The following ARFGEF1 variants were observed in gnomAD, a reference collection of about 807,000 sequenced individuals.
ARFGEF1 encodes the protein brefeldin A-inhibited guanine nucleotide-exchange protein 1.
ARFGEF1 carries 42 observed loss-of-function variants against 231.0 expected under a neutral mutation model. The observed-to-expected ratio is 0.18, with a 90% CI of 0.14 to 0.24. The LOEUF is 0.24. ARFGEF1 is among the 10% of genes least tolerant of loss of function. The pLI is 1.00. For synonymous variants in ARFGEF1, 710 were observed against 732.3 expected (o/e 0.97, Z 0.49); for missense variants, 1,345 against 2,192.0 (o/e 0.61, Z 7.72).
At chr8:67,218,188 G>C in intron 30 of ARFGEF1, 50 bp from the exon 31 acceptor site, 4 of 353,900 alleles carry the variant, frequency 1.1e-5, no homozygotes, top group Non-Finnish European at 1.4e-5. Context: ...CAACTACTAT[G>C]ATTAAAAAAA....
intron 9 of ARFGEF1, 99 bp from the exon 10 acceptor site, chr8:67,272,035 T>G: frequency 1.4e-6 from 1 of 721,330 alleles, no homozygotes; most frequent in African/African-American, 1.8e-5. Flanking sequence ...TAATCATAAT[T>G]TCATAAACTT....
chr8:67,298,634 GA>G (rs1806344979), intron 4 of ARFGEF1, among the ~76,000 whole-genome samples: 1 of 152,186 alleles, frequency 6.6e-6, no homozygotes, highest in Non-Finnish European at 1.5e-5. Flanking sequence ...AAAAACTTTG[GA>G]AGACTCTAGG....
At chr8:67,271,655 C>G in intron 10 of ARFGEF1, 47 bp downstream of exon 10, 6 of 1,328,724 alleles carry the variant, frequency 4.5e-6, no homozygotes, top group African/African-American at 1.5e-5. Flanking sequence ...TAACATGAAA[C>G]AAATGAAATA....
Position 67,238,726 on chromosome 8 carries a change from T to C in ARFGEF1, c.3138+9A>G, listed in dbSNP as rs1454598182. ...CCAAATTGCAAAGTTGAAAATAAAG[T>C]GCTTATACCTCATGCCATGAATTTC... On this transcript the variant is annotated intron_variant, in intron 21 of 38. Transcript: ENST00000262215. 1 of 1,610,800 alleles carries C rather than the reference T, an allele frequency of 6.2e-7. No homozygotes were observed. The highest frequency in any genetic ancestry group is 1.1e-5 in the South Asian group (1 of 90,838).
chr8:67,186,808 G>C (rs1273701085), intron 5 of ARFGEF1, among the ~76,000 whole-genome samples: 2 of 152,170 alleles, frequency 1.3e-5, no homozygotes. Context: ...GAACTAGTAA[G>C]CAGTTATAAT....
At chr8:67,310,307 C>G (rs970830008) in intron 1 of ARFGEF1, among the ~76,000 whole-genome samples, 1 of 152,196 alleles carries the variant, frequency 6.6e-6, no homozygotes, top group Non-Finnish European at 1.5e-5. Flanking sequence ...CTGTGTTGGC[C>G]GGGCCGGTCT....
At chr8:67,306,800 CAG>C (rs942970219) in intron 1 of ARFGEF1, among the ~76,000 whole-genome samples, 10 of 152,102 alleles carry the variant, frequency 6.6e-5, no homozygotes, top group Non-Finnish European at 1.5e-5. Flanking sequence ...TTTTTTCAGA[CAG>C]AGTCTCACTC....
At position 67,343,393 on chromosome 8, in the gene ARFGEF1, G is replaced by T; in HGVS notation, c.-106C>A. ...GAAGAGAGAAAGGAGAGGGGGTGGA[G>T]GTGGGGGATTGGAGGCGTGGAGGGC... On this transcript the variant is annotated 5_prime_UTR_variant, in exon 1 of 39. Coordinates refer to ENST00000262215, the MANE Select transcript of ARFGEF1 (RefSeq NM_006421.5). 2.0e-6 allele frequency: 3 copies of T among 1,491,778 alleles called. No homozygotes were observed. Among genetic ancestry groups the T allele is most frequent in the Non-Finnish European group, 1.8e-6 (2 of 1,116,560 alleles). 92.4% of individuals were successfully genotyped at this position (1,491,778 alleles called of 1,614,324 possible).
chr8:67,245,940 G>T (rs1031157007), intron 19 of ARFGEF1, among the ~76,000 whole-genome samples: 1 of 150,416 alleles, frequency 6.6e-6, no homozygotes, highest in African/African-American at 2.5e-5. Flanking sequence ...AAAAGAGCAG[G>T]AGTAGCTATA....
rs781655651 is a variant in ARFGEF1, at chr8:67,217,973, C to G, written c.4474+30G>C. 16 of 1,611,988 alleles carry G rather than the reference C, an allele frequency of 9.9e-6. No individual in the cohort carries two copies. The East Asian group carries it at 3.3e-4, about 34-fold the overall frequency. ...TATATTACCAGGGTCACATTTAACA[C>G]TTTGTGTCACATATCTGGTACAGAC... On this transcript the variant is annotated intron_variant, in intron 31 of 38. Coordinates refer to ENST00000262215, the MANE Select transcript of ARFGEF1 (RefSeq NM_006421.5).
At chr8:67,246,607 T>C (rs1213800216) in intron 19 of ARFGEF1, among the ~76,000 whole-genome samples, 4 of 149,744 alleles carry the variant, frequency 2.7e-5, no homozygotes, top group African/African-American at 1.0e-4. Context: ...ATAGTGAAAG[T>C]AGTCCTAAGA....
chr8:67,175,581 C>T, intron 5 of ARFGEF1: 1 of 908,090 alleles, frequency 1.1e-6, no homozygotes, highest in Non-Finnish European at 1.8e-6. Flanking sequence ...GTCTGTAGTA[C>T]CAGAAAAGAA....
At position 67,203,297 on chromosome 8, in the gene ARFGEF1, TTTTACTTGA is replaced by T. The variant is rs1378916721; in HGVS notation, c.4960-55_4960-47del. On this transcript the variant is annotated intron_variant, in intron 35 of 38. Coordinates refer to ENST00000262215, the MANE Select transcript of ARFGEF1 (RefSeq NM_006421.5). Reference sequence around the variant, plus strand: ...CAGCATATACACACAGTCACAATAATTTTACTTGATTTACAACTCAATGCTCCCCAAAGA... The same window carrying T: ...CAGCATATACACACAGTCACAATAATTTTACAACTCAATGCTCCCCAAAGA... 2.5e-6 allele frequency: 4 copies of T among 1,585,168 alleles called. No individual in the cohort carries two copies. In the Admixed American group the frequency reaches 7.2e-5, roughly 28 times the overall value.
At chr8:67,178,858 G>T (rs1230281549) in intron 5 of ARFGEF1, among the ~76,000 whole-genome samples, 3 of 152,186 alleles carry the variant, frequency 2.0e-5, no homozygotes, top group African/African-American at 7.2e-5. Flanking sequence ...TTTGACACTT[G>T]TGCATGTGAT....
rs112550657 is a variant in ARFGEF1, at chr8:67,323,121, A to G, written c.124+20043T>C. Among the ~76,000 whole-genome samples the G allele has an allele frequency of 6.9e-4, 105 of 152,078 alleles. 2 individuals carry two copies. Among genetic ancestry groups the G allele is most frequent in the Admixed American group, 3.6e-3 (55 of 15,284 alleles). On this transcript the variant is annotated intron_variant, in intron 1 of 38. Transcript: ENST00000262215. ...ACAAAAATTAGCCAGGCATGGTGGC[A>G]GAAGCCTGTAATCCCAGCTACTCGG...
chr8:67,188,625 G>A (rs1215844123), intron 5 of ARFGEF1, among the ~76,000 whole-genome samples: 1 of 152,176 alleles, frequency 6.6e-6, no homozygotes, highest in Non-Finnish European at 1.5e-5. Context: ...GTCCATGTTT[G>A]TTACGGCTCG....
intron 37 of ARFGEF1, 36 bp downstream of exon 37, chr8:67,201,431 A>T: frequency 6.3e-7 from 1 of 1,582,642 alleles, no homozygotes; most frequent in Non-Finnish European, 8.6e-7. Context: ...CCACGTGGCT[A>T]CCTGGTCAGA....
chr8:67,333,983 A>G (rs1209280693), intron 1 of ARFGEF1, among the ~76,000 whole-genome samples: 2 of 151,972 alleles, frequency 1.3e-5, no homozygotes, highest in Non-Finnish European at 2.9e-5. Context: ...CTAAAAATAC[A>G]AAATTAGCTG....
Position 67,204,784 on chromosome 8 carries a change from T to G in ARFGEF1, c.4855A>C (p.Ile1619Leu). 6.2e-7 allele frequency: 1 copy of G among 1,613,924 alleles called. No homozygotes were observed. The stretch of plus-strand genomic sequence containing the variant: ...AGTTCCAGCTGCACAACACATTTAA[T>G]CAACAGGGCAGCAAACAATTTTTGT... ...PEQKLFAALLIKCVVQLELIQ... is the reference protein window; with the variant it reads ...PEQKLFAALLLKCVVQLELIQ... Residue 1619 changes from isoleucine to leucine, a missense_variant, in exon 35 of 39, where the codon ATT (isoleucine) becomes CTT (leucine). This residue lies in a region of ARFGEF1 where 161 missense variants were observed against 284.9 expected (regional missense o/e 0.57). Transcript: ENST00000262215.
Sources: allele counts gnomAD v4.1 joint callset (sites outside exome capture counted in the v4.1 genomes callset), GRCh38; gene constraint gnomAD v4.1.1; regional missense constraint gnomAD v4.1.1; transcripts MANE v1.5; gene names NCBI Gene and HGNC (gene_info 2026-07-23, HGNC 2026-07-21).